The following STRA8 variants were observed in gnomAD, a reference collection of about 807,000 sequenced individuals.
STRA8 encodes stimulated by retinoic acid gene 8 protein homolog.
In STRA8, 18 loss-of-function variants were observed where a neutral mutation model predicts 37.1. That is an observed-to-expected ratio of 0.48 (90% CI 0.34 to 0.72). STRA8 has a LOEUF of 0.72. Among genes scored for constraint, STRA8 ranks in the 30% least tolerant of loss-of-function variants. The pLI is 0.01. For missense variants in STRA8, 357 were observed against 410.4 expected, an observed-to-expected ratio of 0.87 and a Z score of 1.13; for synonymous variants, 168 against 162.9, an observed-to-expected ratio of 1.03 and a Z score of -0.24.
rs1448483018 is a variant in STRA8 at position 135,243,338 on chromosome 7, T to A, written c.281T>A (p.Leu94Gln). The A allele has an allele frequency of 6.2e-7, 1 of 1,614,104 alleles. No individual in the cohort carries two copies. The highest frequency in any genetic ancestry group is 8.5e-7 in the Non-Finnish European group (1 of 1,179,956). The change falls in exon 4 of 9, where the codon CTG (leucine) becomes CAG (glutamine). Residue 94 changes from leucine to glutamine, a missense_variant. Transcript: ENST00000662584. ...AACTCCCCAATAGCATCCTTCAACC[T>A]GGAAGATGGGCATGCAAGCAGCTTA... ...NLLKLKASFN[L>Q]EDGHASSLEE...
intron 4 of STRA8, among the ~76,000 whole-genome samples, chr7:135,244,247 C>G (rs1313407968): frequency 2.0e-5 from 3 of 152,138 alleles, no homozygotes; most frequent in Non-Finnish European, 4.4e-5. Context: ...TTAGTAGACA[C>G]GGGGTTTCAA....
chr7:135,258,632 A>G lies in STRA8; in HGVS notation c.*140A>G, dbSNP rs1232347585. ...GTTCCAGAAGCATTTTGATGATTTTAGTTTCTGATTATTATAAAGTATAAG... is the reference window on the plus strand; with the variant it reads ...GTTCCAGAAGCATTTTGATGATTTTGGTTTCTGATTATTATAAAGTATAAG... On this transcript the variant is annotated 3_prime_UTR_variant, in exon 9 of 9. Transcript: ENST00000662584. 7.6e-6 allele frequency: 5 copies of G among 655,922 alleles called. No individual in the cohort carries two copies. The highest frequency in any genetic ancestry group is 1.3e-5 in the Non-Finnish European group (5 of 380,824). 40.6% of individuals were successfully genotyped at this position (655,922 alleles called of 1,614,324 possible). A position where few individuals can be genotyped will look rare whatever the true frequency, so the allele number is the denominator to read the frequency against.
Position 135,246,642 on chromosome 7 carries a change from G to A in STRA8, c.819G>A (p.Val273=), listed in dbSNP as rs771837459. The A allele has an allele frequency of 1.9e-5, 29 of 1,537,812 alleles. No individual in the cohort carries two copies. The highest frequency in any genetic ancestry group is 2.4e-5 in the Non-Finnish European group (28 of 1,146,028). ...CREPACAEGS[V]KDSGVDSQGA... The stretch of plus-strand genomic sequence containing the variant: ...AGCCGGCCTGTGCCGAGGGCAGCGT[G>A]AAGGACAGCGGCGTGGACAGCCAGG... The change falls in exon 6 of 9, where the codon GTG becomes GTA. Residue 273 remains valine, a synonymous_variant. Coordinates refer to ENST00000662584, the MANE Select transcript of STRA8 (RefSeq NM_001394401.1). This position sits in a 1 kb window ranked among gnomAD's most constrained non-coding sequence, Gnocchi z 5.4.
rs1832600875 is a variant in STRA8, at chr7:135,248,815, C to T, written c.879+2113C>T. On this transcript the variant is annotated intron_variant, in intron 6 of 8. Transcript: ENST00000662584. ...CAGTAGGTCCTATTGGAGGGAACTC[C>T]CAGTGCAGATGTTCAATGGCCTACC... Among the ~76,000 whole-genome samples the T allele has an allele frequency of 2.0e-5, 3 of 152,286 alleles. No homozygotes were observed. The South Asian group carries it at 6.2e-4, about 32-fold the overall frequency.
intron 6 of STRA8, among the ~76,000 whole-genome samples, chr7:135,248,552 TA>T (rs569379316): frequency 1.3e-5 from 2 of 150,698 alleles, no homozygotes; most frequent in South Asian, 2.1e-4. Context: ...TACTAAAAAC[TA>T]AAAAAAAATA....
At chr7:135,252,931 T>A (rs1832655969) in intron 7 of STRA8, among the ~76,000 whole-genome samples, 1 of 151,814 alleles carries the variant, frequency 6.6e-6, no homozygotes. Flanking sequence ...CCTCTTTCTT[T>A]AAAAAAATTT....
upstream of STRA8, among the ~76,000 whole-genome samples, chr7:135,233,277 C>T (rs1201386040): frequency 6.6e-6 from 1 of 152,052 alleles, no homozygotes; most frequent in East Asian, 1.9e-4. Context: ...CCATTTTCTC[C>T]CCCCATCCTC....
intron 1 of STRA8, among the ~76,000 whole-genome samples, chr7:135,237,160 A>G (rs1044074926): frequency 6.6e-6 from 1 of 152,184 alleles, no homozygotes; most frequent in African/African-American, 2.4e-5. Context: ...GGGTCATGGA[A>G]TAAATATTGG....
chr7:135,249,022 A>G (rs1241845572), intron 6 of STRA8, among the ~76,000 whole-genome samples: 1 of 152,180 alleles, frequency 6.6e-6, no homozygotes, highest in Admixed American at 6.5e-5. Flanking sequence ...AGGGCAGCCA[A>G]ACAGATGTGT....
intron 1 of STRA8, among the ~76,000 whole-genome samples, chr7:135,235,332 C>G (rs1832355079): frequency 6.6e-6 from 1 of 151,522 alleles, no homozygotes; most frequent in Non-Finnish European, 1.5e-5. Context: ...CTCCAAAATT[C>G]CTTAAGATGA....
intron 6 of STRA8, among the ~76,000 whole-genome samples, chr7:135,249,692 T>C (rs1206574021): frequency 1.3e-5 from 2 of 152,254 alleles, no homozygotes; most frequent in Admixed American, 6.5e-5. Flanking sequence ...TCAGAACTTA[T>C]CCCCATCAGT....
In STRA8 at chr7:135,258,513, G is replaced by A; in HGVS notation, c.*21G>A. 1 of 1,569,790 alleles carries A rather than the reference G, an allele frequency of 6.4e-7. No individual in the cohort carries two copies. Among genetic ancestry groups the A allele is most frequent in the Non-Finnish European group, 8.7e-7 (1 of 1,155,172 alleles). On this transcript the variant is annotated 3_prime_UTR_variant, in exon 9 of 9. Coordinates refer to ENST00000662584, the MANE Select transcript of STRA8 (RefSeq NM_001394401.1). ...TGTAATGCAGAAGAGGAGCTGCGAG[G>A]GGAGGGACTGAATGAGGTGGGCAGT...
intron 8 of STRA8, 134 bp downstream of exon 8, chr7:135,255,359 T>G: frequency 1.6e-6 from 1 of 640,644 alleles, no homozygotes; most frequent in Non-Finnish European, 2.7e-6. Flanking sequence ...CACTCTCCAT[T>G]CTCTCTGGCT....
intron 8 of STRA8, among the ~76,000 whole-genome samples, chr7:135,255,962 A>G (rs1036063545): frequency 6.6e-6 from 1 of 152,236 alleles, no homozygotes; most frequent in African/African-American, 2.4e-5. Context: ...ATTTGCTGTC[A>G]GCTTTTGAAG....
rs1391542109 is a variant in STRA8, at chr7:135,246,519, C to T, written c.696C>T (p.His232=). Residue 232 remains histidine, a synonymous_variant, in exon 6 of 9, where the codon CAC becomes CAT. Transcript: ENST00000662584. This position sits in a 1 kb window ranked among gnomAD's most constrained non-coding sequence, Gnocchi z 5.4. ...CCATCGTCTCCGCGGCCATCTCCCA[C>T]CTGTGGCAGAACCTCTCGGAGGAGA... ...ALPIVSAAIS[H]LWQNLSEERK... 4 of 1,576,708 alleles carry T rather than the reference C, an allele frequency of 2.5e-6. No homozygotes were observed. Among genetic ancestry groups the T allele is most frequent in the Non-Finnish European group, 3.4e-6 (4 of 1,161,050 alleles).
At chr7:135,250,167 T>C (rs1308669852) in intron 6 of STRA8, among the ~76,000 whole-genome samples, 4 of 152,208 alleles carry the variant, frequency 2.6e-5, no homozygotes, top group Non-Finnish European at 5.9e-5. Context: ...ATGCTCCATT[T>C]CAGTTCAGAC....
rs574835467 is a variant in STRA8 at position 135,250,162 on chromosome 7, C to T, written c.880-1634C>T. ...TGGGCCCAGGAGGCTCTGGAATGCT[C>T]CATTTCAGTTCAGACATGAGCTTCC... On this transcript the variant is annotated intron_variant, in intron 6 of 8. Transcript: ENST00000662584. Among the ~76,000 whole-genome samples the T allele has an allele frequency of 4.6e-5, 7 of 152,308 alleles. No individual in the cohort carries two copies. The South Asian group carries it at 1.5e-3, about 32-fold the overall frequency.
At chr7:135,255,309 A>T in intron 8 of STRA8, 84 bp downstream of exon 8, 2 of 989,112 alleles carry the variant, frequency 2.0e-6, no homozygotes, top group South Asian at 2.7e-5. Flanking sequence ...CCTAACCAGA[A>T]CTCACCCCAA....
chr7:135,244,412 A>G (rs1832514962), intron 4 of STRA8, among the ~76,000 whole-genome samples: 1 of 152,166 alleles, frequency 6.6e-6, no homozygotes, highest in African/African-American at 2.4e-5. Flanking sequence ...TCTAAGTATA[A>G]AGAGATCCTG....
Sources: gnomAD v4.1 joint callset for allele counts (sites outside exome capture counted in the v4.1 genomes callset) on GRCh38, gnomAD v4.1.1 for gene constraint, Gnocchi (gnomAD v3.1) non-coding constraint, MANE v1.5 for transcripts, NCBI Gene and HGNC (gene_info 2026-07-23, HGNC 2026-07-21) for gene names.